The following STEAP4 variants were observed in gnomAD, a reference collection of about 807,000 sequenced individuals.
The protein encoded by STEAP4 is metalloreductase STEAP4.
A neutral mutation model predicts 43.6 loss-of-function variants in STEAP4; 36 were observed. That is an observed-to-expected ratio of 0.83 (90% CI 0.63 to 1.09). The LOEUF is 1.09. STEAP4 is among the 50% of genes least tolerant of loss of function. The probability of loss-of-function intolerance (pLI) is 0.00; values close to 1 mark genes in which losing one functional copy is unlikely to be tolerated. For synonymous variants in STEAP4, 191 were observed against 196.7 expected, an observed-to-expected ratio of 0.97 and a Z score of 0.24; for missense variants, 495 against 546.5, an observed-to-expected ratio of 0.91 and a Z score of 0.94.
In STEAP4 at chr7:88,281,032, G is replaced by A; in HGVS notation, c.1032C>T (p.Leu344=). Residue 344 remains leucine, a synonymous_variant, in exon 4 of 5, where the codon CTC becomes CTT. Coordinates refer to ENST00000380079, the MANE Select transcript of STEAP4 (RefSeq NM_024636.4). ...TTCCCAAAGCCACATATGAATCACT[G>A]AGCCAGGCTGAGGAGGTGCTAAATG... ...ENPFSTSSAW[L]SDSYVALGIL... 2 of 1,612,780 alleles carry A rather than the reference G, an allele frequency of 1.2e-6. No individual in the cohort carries two copies. Among genetic ancestry groups the A allele is most frequent in the South Asian group, 2.2e-5 (2 of 90,856 alleles).
chr7:88,298,068 G>C (rs1234222675), intron 1 of STEAP4, among the ~76,000 whole-genome samples: 1 of 152,102 alleles, frequency 6.6e-6, no homozygotes, highest in African/African-American at 2.4e-5. Context: ...GGTTTCTCCT[G>C]AGTGCATAGT....
At chr7:88,284,336 A>C (rs1852687961) in intron 1 of STEAP4, 65 bp from the exon 2 acceptor site, 1 of 1,142,286 alleles carries the variant, frequency 8.8e-7, no homozygotes, top group Non-Finnish European at 1.2e-6. Flanking sequence ...AATTAAAGAG[A>C]GCTATATTCA....
chr7:88,292,176 C>A (rs1852846618), intron 1 of STEAP4: 1 of 152,062 alleles, frequency 6.6e-6, no homozygotes, highest in Admixed American at 6.6e-5. Context: ...CTTATCATCC[C>A]TCTCTTTGCA....
chr7:88,276,002 G>A lies in STEAP4; in HGVS notation c.*3396C>T, dbSNP rs1719660276. 1 of 152,140 alleles carries A rather than the reference G, an allele frequency of 6.6e-6. No individual in the cohort carries two copies. Among genetic ancestry groups the A allele is most frequent in the African/African-American group, 2.4e-5 (1 of 41,422 alleles). The allele number at this position is 152,140 out of a possible 1,614,324, so 9.4% of individuals were successfully genotyped here. ...AGCTGCAGCAGTCCAGTTGTGCAAG[G>A]CATTTAATGCCCAGTCACGCAGTCT... On this transcript the variant is annotated 3_prime_UTR_variant, in exon 5 of 5. Coordinates refer to ENST00000380079, the MANE Select transcript of STEAP4 (RefSeq NM_024636.4).
chr7:88,276,350 C>A lies in STEAP4; in HGVS notation c.*3048G>T, dbSNP rs1260975459. On this transcript the variant is annotated 3_prime_UTR_variant, in exon 5 of 5. Coordinates refer to ENST00000380079, the MANE Select transcript of STEAP4 (RefSeq NM_024636.4). The stretch of plus-strand genomic sequence containing the variant: ...GTATTTTTAGTCCCAGATGCTGGAA[C>A]TACTGTGATTCAAAACCTTTTAGTA... 3 of 152,226 alleles carry A rather than the reference C, an allele frequency of 2.0e-5. No homozygotes were observed. Among genetic ancestry groups the A allele is most frequent in the African/African-American group, 7.2e-5 (3 of 41,448 alleles). 9.4% of individuals were successfully genotyped at this position (152,226 alleles called of 1,614,324 possible).
intron 1 of STEAP4, among the ~76,000 whole-genome samples, chr7:88,285,108 G>A (rs992509194): frequency 1.3e-5 from 2 of 151,906 alleles, no homozygotes; most frequent in Non-Finnish European, 2.9e-5. Context: ...TAAAAACTGG[G>A]AAAATCAACC....
Position 88,279,267 on chromosome 7 carries a change from C to A in STEAP4, c.*131G>T. 1.4e-6 allele frequency: 1 copy of A among 729,122 alleles called. No individual in the cohort carries two copies. The highest frequency in any genetic ancestry group is 2.2e-6 in the Non-Finnish European group (1 of 446,884). The allele number at this position is 729,122 out of a possible 1,614,324, so 45.2% of individuals were successfully genotyped here. A position where few individuals can be genotyped will look rare whatever the true frequency, so the allele number is the denominator to read the frequency against. On this transcript the variant is annotated 3_prime_UTR_variant, in exon 5 of 5. Transcript: ENST00000380079. ...TCTCAAAGACAAGCAATGTTTCCCT[C>A]AGTCACGGTGTAAGAAAAAAACTTT...
chr7:88,287,395 T>G (rs1852754448), intron 1 of STEAP4, among the ~76,000 whole-genome samples: 1 of 152,148 alleles, frequency 6.6e-6, no homozygotes, highest in African/African-American at 2.4e-5. Context: ...AACTGCCCAA[T>G]GGATTCACCT....
Position 88,282,924 on chromosome 7 carries a change from T to C in STEAP4, c.701A>G (p.Asn234Ser), listed in dbSNP as rs1443994903. ...AATGGAAATAGCCATACGAAATGTA[T>C]TATCTTTCTTTTCATAAACATAAGG... is the stretch of plus-strand genomic sequence containing the variant. ...IYPYVYEKKD[N>S]TFRMAISIPN... is the part of the protein sequence containing the mutation. The change falls in exon 3 of 5, where the codon AAT (asparagine) becomes AGT (serine). Residue 234 changes from asparagine (N) to serine (S), a missense_variant. Transcript: ENST00000380079. 1.2e-6 allele frequency: 2 copies of C among 1,614,206 alleles called. No individual in the cohort carries two copies. The highest frequency in any genetic ancestry group is 2.2e-5 in the East Asian group (1 of 44,880).
rs1448583223 is a variant in STEAP4 at position 88,273,822 on chromosome 7, A to G, written c.*5576T>C. On this transcript the variant is annotated 3_prime_UTR_variant, in exon 5 of 5. Transcript: ENST00000380079. ...CTAGAGTGGGAAGATTAAAATGGCA[A>G]TTGCAATGGAATTGAACTTAATGCG... 6.6e-6 allele frequency: 1 copy of G among 152,218 alleles called. No homozygotes were observed. Among genetic ancestry groups the G allele is most frequent in the African/African-American group, 2.4e-5 (1 of 41,450 alleles). 9.4% of individuals were successfully genotyped at this position (152,218 alleles called of 1,614,324 possible).
Position 88,282,693 on chromosome 7 carries a change from A to G in STEAP4, c.932T>C (p.Ile311Thr). Residue 311 changes from isoleucine (I) to threonine (T), a missense_variant, in exon 3 of 5, where the codon ATT becomes ACT. Transcript: ENST00000380079. The stretch of plus-strand genomic sequence containing the variant: ...CCATCGTACATAATATCGAATAGGA[A>G]TCACAAGTGTGTAGAGGACATGAAG... ...AFLHVLYTLVIPIRYYVRWRL... is the reference protein window; with the variant it reads ...AFLHVLYTLVTPIRYYVRWRL... 6.2e-7 allele frequency: 1 copy of G among 1,614,124 alleles called. No homozygotes were observed. Among genetic ancestry groups the G allele is most frequent in the Non-Finnish European group, 8.5e-7 (1 of 1,180,008 alleles).
chr7:88,279,838 A>T (rs977794805), intron 4 of STEAP4, among the ~76,000 whole-genome samples: 2 of 152,240 alleles, frequency 1.3e-5, no homozygotes, highest in Non-Finnish European at 2.9e-5. Context: ...TACAAATGAC[A>T]TAGTAGCTTC....
intron 1 of STEAP4, among the ~76,000 whole-genome samples, chr7:88,306,501 C>T (rs1202222020): frequency 6.6e-6 from 1 of 152,200 alleles, no homozygotes; most frequent in Non-Finnish European, 1.5e-5. Flanking sequence ...CAAGAGTGCG[C>T]CAATCCAGAA....
At chr7:88,304,159 G>A (rs987336042) in intron 1 of STEAP4, 1 of 152,120 alleles carries the variant, frequency 6.6e-6, no homozygotes, top group African/African-American at 2.4e-5. Flanking sequence ...CTCAGGAAGG[G>A]GAACATCACA....
chr7:88,271,683 C>G lies in STEAP4; in HGVS notation c.*7715G>C, dbSNP rs1204509194. On this transcript the variant is annotated 3_prime_UTR_variant, in exon 5 of 5. Coordinates refer to ENST00000380079, the MANE Select transcript of STEAP4 (RefSeq NM_024636.4). ...TGTAGGCATATCTATAGCATAAATT[C>G]TCAGGAGTGAGACTCCTGGATCAAA... 1 of 152,202 alleles carries G rather than the reference C, an allele frequency of 6.6e-6. No individual in the cohort carries two copies. Among genetic ancestry groups the G allele is most frequent in the Non-Finnish European group, 1.5e-5 (1 of 68,040 alleles). 9.4% of individuals were successfully genotyped at this position (152,202 alleles called of 1,614,324 possible).
At chr7:88,302,626 C>CT (rs995671023) in intron 1 of STEAP4, among the ~76,000 whole-genome samples, 8 of 152,098 alleles carry the variant, frequency 5.3e-5, no homozygotes, top group African/African-American at 1.7e-4. Flanking sequence ...TCTCTGAGCC[C>CT]TGGCTCTGTT....
At chr7:88,287,996 A>G (rs1366722713) in intron 1 of STEAP4, among the ~76,000 whole-genome samples, 1 of 152,212 alleles carries the variant, frequency 6.6e-6, no homozygotes, top group Non-Finnish European at 1.5e-5. Flanking sequence ...AAAGGTTAGA[A>G]GCCAGATGGA....
In STEAP4 at chr7:88,279,334, TA is replaced by T; in HGVS notation, c.*63del. The stretch of plus-strand genomic sequence containing the variant: ...ATTCTTCTTTAAACATTCAAAACCA[TA>T]GTTCAGAAATCCAGCTAAATTGAAC... On this transcript the variant is annotated 3_prime_UTR_variant, in exon 5 of 5. Coordinates refer to ENST00000380079, the MANE Select transcript of STEAP4 (RefSeq NM_024636.4). 1 of 1,493,732 alleles carries T rather than the reference TA, an allele frequency of 6.7e-7. No individual in the cohort carries two copies. Among genetic ancestry groups the T allele is most frequent in the Non-Finnish European group, 9.3e-7 (1 of 1,079,450 alleles). 92.5% of individuals were successfully genotyped at this position (1,493,732 alleles called of 1,614,324 possible).
At position 88,279,478 on chromosome 7, in the gene STEAP4, T is replaced by G; in HGVS notation, c.1300A>C (p.Lys434Gln). ...ACACATGGCATGATTAGGACAAACT[T>G]GATCACCAGCACAGTGCAAGGAATG... Reference protein sequence around the residue: ...LIIPCTVLVIKFVLIMPCVDN... With the variant: ...LIIPCTVLVIQFVLIMPCVDN... The change falls in exon 5 of 5, where the codon AAG becomes CAG. Residue 434 changes from lysine to glutamine, a missense_variant. Physicochemically the swap from Lys to Gln is moderately conservative, Grantham distance 53 (BLOSUM62 1). Coordinates refer to ENST00000380079, the MANE Select transcript of STEAP4 (RefSeq NM_024636.4). The G allele has an allele frequency of 6.2e-7, 1 of 1,614,132 alleles. No individual in the cohort carries two copies. The highest frequency in any genetic ancestry group is 8.5e-7 in the Non-Finnish European group (1 of 1,180,022).
Sources: allele counts gnomAD v4.1 joint callset (sites outside exome capture counted in the v4.1 genomes callset), GRCh38; gene constraint gnomAD v4.1.1; transcripts MANE v1.5; gene names NCBI Gene and HGNC (gene_info 2026-07-23, HGNC 2026-07-21).